EFCAB8: variants seen among roughly 807,000 people sequenced by gnomAD.
EFCAB8 encodes EF-hand calcium-binding domain-containing protein 8.
Under a neutral mutation model 116.3 loss-of-function variants are expected in EFCAB8, and 100 were observed. That is an observed-to-expected ratio of 0.86 (90% CI 0.73 to 1.02). EFCAB8 has a LOEUF of 1.02. EFCAB8 is among the 50% of genes least tolerant of loss of function. EFCAB8 has a pLI of 0.00. For missense variants in EFCAB8, 1,320 were observed against 1,416.9 expected (o/e 0.93, Z 1.10); for synonymous variants, 558 against 567.9 (o/e 0.98, Z 0.25).
chr20:32,916,085 C>A (rs1444915466), intron 17 of EFCAB8, among the ~76,000 whole-genome samples: 1 of 152,128 alleles, frequency 6.6e-6, no homozygotes, highest in Admixed American at 6.6e-5. Context: ...TAACAGAATA[C>A]CATAGAGTAG....
chr20:32,866,870 T>C (rs1399244087), intron 2 of EFCAB8, among the ~76,000 whole-genome samples: 10 of 147,376 alleles, frequency 6.8e-5, no homozygotes, highest in South Asian at 2.2e-4. Context: ...TCTTTCTTTC[T>C]TTCCTTCCTT....
intron 1 of EFCAB8, among the ~76,000 whole-genome samples, chr20:32,862,401 T>C (rs1046445479): frequency 6.6e-6 from 1 of 152,076 alleles, no homozygotes; most frequent in African/African-American, 2.4e-5. Flanking sequence ...TATTCCTAAT[T>C]GGACAGCCTA....
intron 5 of EFCAB8, among the ~76,000 whole-genome samples, chr20:32,884,107 GCTT>G (rs1985486834): frequency 1.4e-4 from 22 of 152,212 alleles, no homozygotes; most frequent in Admixed American, 1.3e-3. Flanking sequence ...ATGTCAAGAG[GCTT>G]GTTCCTATAT....
rs11472143 is a variant in EFCAB8, at chr20:32,921,700, C to CT, written c.2412+1497dup. Among the ~76,000 whole-genome samples the CT allele has an allele frequency of 3.1e-3, 456 of 146,984 alleles. 5 individuals carry two copies. The highest frequency in any genetic ancestry group is 7.0e-3 in the Middle Eastern group (2 of 284). ...CTAACAGGTTGGTTTTAGCCTTGTA[C>CT]TTTTTTTTTTTTGACTAGTAATATA... On this transcript the variant is annotated intron_variant, in intron 20 of 26. Coordinates refer to ENST00000400522, the MANE Select transcript of EFCAB8 (RefSeq NM_001143967.2).
At chr20:32,921,202 T>TC (rs1027182852) in intron 20 of EFCAB8, among the ~76,000 whole-genome samples, 36 of 516 alleles carry the variant, frequency 0.07, no homozygotes, top group Non-Finnish European at 0.19. Flanking sequence ...TTCTCTCTCC[T>TC]TTTTTTTTCT....
At chr20:32,909,640 A>G (rs1432707120) in intron 14 of EFCAB8, among the ~76,000 whole-genome samples, 181 bp from the exon 15 acceptor site, 1 of 152,000 alleles carries the variant, frequency 6.6e-6, no homozygotes, top group African/African-American at 2.4e-5. Context: ...AGCGGGGGCC[A>G]TGGAGTAGGG....
At chr20:32,928,014 C>T (rs1419590326) in intron 20 of EFCAB8, among the ~76,000 whole-genome samples, 2 of 152,128 alleles carry the variant, frequency 1.3e-5, no homozygotes, top group African/African-American at 4.8e-5. Context: ...ACCCTGGAAA[C>T]CCCCATTCTA....
chr20:32,866,036 C>T (rs1473234105), intron 2 of EFCAB8, among the ~76,000 whole-genome samples: 1 of 151,962 alleles, frequency 6.6e-6, no homozygotes, highest in Non-Finnish European at 1.5e-5. Flanking sequence ...GAGCTGAAGG[C>T]GGTGCTGAGA....
At chr20:32,945,090 G>A (rs1988544496) in intron 23 of EFCAB8, among the ~76,000 whole-genome samples, 1 of 151,910 alleles carries the variant, frequency 6.6e-6, no homozygotes, top group Non-Finnish European at 1.5e-5. Context: ...CAAGCCTGCT[G>A]TAGATGACTT....
Position 32,920,025 on chromosome 20 carries a change from A to G in EFCAB8, c.2275-53A>G, listed in dbSNP as rs142419472. ...ATCTTCCTCTGGTCTCTGGTCCCCTATGGGGAAGGGAAACACCCTCATGGT... is the reference window on the plus strand; with the variant it reads ...ATCTTCCTCTGGTCTCTGGTCCCCTGTGGGGAAGGGAAACACCCTCATGGT... On this transcript the variant is annotated intron_variant, in intron 19 of 26. Coordinates refer to ENST00000400522, the MANE Select transcript of EFCAB8 (RefSeq NM_001143967.2). The G allele has an allele frequency of 1.3e-3, 2,065 of 1,548,972 alleles. 15 individuals carry two copies. The African/African-American group carries it at 0.017, about 13-fold the overall frequency.
intron 23 of EFCAB8, among the ~76,000 whole-genome samples, chr20:32,948,580 GAAAA>G (rs1395230136): frequency 1.5e-3 from 207 of 135,630 alleles, no homozygotes; most frequent in Non-Finnish European, 1.5e-3. Flanking sequence ...AAGAAAGAAA[GAAAA>G]GAAAGGAAAA....
intron 7 of EFCAB8, 37 bp from the exon 8 acceptor site, chr20:32,892,176 G>T (rs369266123): frequency 9.8e-6 from 15 of 1,526,448 alleles, no homozygotes; most frequent in Admixed American, 2.0e-5. Flanking sequence ...CCCAGGCATG[G>T]CTGTGGGCTC....
chr20:32,961,295 G>A lies in EFCAB8; in HGVS notation c.3553G>A (p.Val1185Met). 1 of 1,544,900 alleles carries A rather than the reference G, an allele frequency of 6.5e-7. No individual in the cohort carries two copies. The highest frequency in any genetic ancestry group is 1.4e-5 in the African/African-American group (1 of 72,900). ...KDLVPSREQA[V>M]LDTTDSTPAA... is the part of the protein sequence containing the mutation. ...CCTGGTGCCCAGCAGGGAGCAGGCTGTGCTGGATACCACGGACAGCACGCC... is the reference window on the plus strand; with the variant it reads ...CCTGGTGCCCAGCAGGGAGCAGGCTATGCTGGATACCACGGACAGCACGCC... The change falls in exon 27 of 27, where the codon GTG (valine) becomes ATG (methionine). Residue 1185 changes from valine to methionine, a missense_variant. Val to Met is a conservative substitution (Grantham distance 21). Coordinates refer to ENST00000400522, the MANE Select transcript of EFCAB8 (RefSeq NM_001143967.2).
chr20:32,944,761 G>A (rs140594090), intron 23 of EFCAB8, among the ~76,000 whole-genome samples: 309 of 152,104 alleles, frequency 2.0e-3, no homozygotes, highest in Non-Finnish European at 3.8e-3. Context: ...GAGAGTTTTT[G>A]TTCTTTTTAT....
intron 23 of EFCAB8, among the ~76,000 whole-genome samples, chr20:32,945,954 T>C (rs1444195997): frequency 6.6e-6 from 1 of 152,218 alleles, no homozygotes. Flanking sequence ...CCCAGGCCTC[T>C]AGAATATGCT....
chr20:32,910,078 C>T (rs930639373), intron 15 of EFCAB8, 147 bp downstream of exon 15: 10 of 409,016 alleles, frequency 2.4e-5, no homozygotes, highest in Admixed American at 4.4e-5. Context: ...GCTGGGGCAG[C>T]GGGATAGACA....
intron 17 of EFCAB8, among the ~76,000 whole-genome samples, chr20:32,915,703 G>A (rs1270698797): frequency 7.0e-6 from 1 of 143,272 alleles, no homozygotes; most frequent in Non-Finnish European, 1.5e-5. Context: ...ACAGAGTCTT[G>A]TTTTATGGCC....
At chr20:32,878,003 A>G (rs892414359) in intron 4 of EFCAB8, among the ~76,000 whole-genome samples, 2 of 152,142 alleles carry the variant, frequency 1.3e-5, no homozygotes, top group African/African-American at 2.4e-5. Context: ...CTGCTGTCCA[A>G]GCGCAGTGGC....
intron 5 of EFCAB8, among the ~76,000 whole-genome samples, chr20:32,880,983 A>G (rs1447731689): frequency 6.6e-6 from 1 of 152,230 alleles, no homozygotes; most frequent in Non-Finnish European, 1.5e-5. Flanking sequence ...AAGAATACAC[A>G]ACTCAAAAGA....
Sources: gnomAD v4.1 joint callset for allele counts (sites outside exome capture counted in the v4.1 genomes callset) on GRCh38, gnomAD v4.1.1 for gene constraint, MANE v1.5 for transcripts, NCBI Gene and HGNC (gene_info 2026-07-23, HGNC 2026-07-21) for gene names.